The following EHHADH variants were observed in gnomAD, a reference collection of about 807,000 sequenced individuals.
EHHADH encodes the protein peroxisomal bifunctional enzyme.
A neutral mutation model predicts 64.4 loss-of-function variants in EHHADH; 48 were observed. The observed-to-expected ratio is 0.75, with a 90% CI of 0.59 to 0.95. The LOEUF (loss-of-function observed/expected upper bound fraction) is 0.95. Among genes scored for constraint, EHHADH ranks in the 40% least tolerant of loss-of-function variants. The probability of loss-of-function intolerance (pLI) is 0.00; values close to 1 mark genes in which losing one functional copy is unlikely to be tolerated. For synonymous variants in EHHADH, 308 were observed against 326.7 expected (o/e 0.94, Z 0.62); for missense variants, 854 against 876.6 (o/e 0.97, Z 0.33).
rs149584597 is a variant in EHHADH, at chr3:185,197,865, C to T, written c.911-4378G>A. Among the ~76,000 whole-genome samples, 389 of 152,140 alleles carry T rather than the reference C, an allele frequency of 2.6e-3. 2 individuals carry two copies. The highest frequency in any genetic ancestry group is 8.9e-3 in the African/African-American group (369 of 41,488). ...AGACTGGAGTGCAGTGGCGTGATCT[C>T]GGAACACTGCAACCTCTGCCTCCTG... On this transcript the variant is annotated intron_variant, in intron 6 of 6. Coordinates refer to ENST00000231887, the MANE Select transcript of EHHADH (RefSeq NM_001966.4).
At chr3:185,229,887 C>G (rs572113780) in intron 3 of EHHADH, among the ~76,000 whole-genome samples, 2 of 152,166 alleles carry the variant, frequency 1.3e-5, no homozygotes, top group Non-Finnish European at 2.9e-5. Context: ...AGACAACCCA[C>G]AGAATGGGAG....
intron 2 of EHHADH, among the ~76,000 whole-genome samples, chr3:185,243,656 G>C (rs564694575): frequency 6.6e-6 from 1 of 152,226 alleles, no homozygotes; most frequent in South Asian, 2.1e-4. Context: ...AGTTCCTCTT[G>C]CTACTGATTT....
chr3:185,246,630 G>T (rs1366569627), intron 2 of EHHADH, among the ~76,000 whole-genome samples: 1 of 152,152 alleles, frequency 6.6e-6, no homozygotes, highest in Non-Finnish European at 1.5e-5. Flanking sequence ...TTCTTTATAT[G>T]CATTGCTTGG....
chr3:185,218,820 C>T (rs1417254878), intron 4 of EHHADH, among the ~76,000 whole-genome samples: 1 of 151,582 alleles, frequency 6.6e-6, no homozygotes, highest in Admixed American at 6.6e-5. Context: ...GTCAGGAGTT[C>T]GAGACCAGCC....
intron 5 of EHHADH, among the ~76,000 whole-genome samples, chr3:185,207,377 A>G (rs183603970): frequency 5.9e-5 from 9 of 152,338 alleles, no homozygotes; most frequent in African/African-American, 1.9e-4. Context: ...CCTTAAAAGC[A>G]GAGAATCTTT....
chr3:185,253,749 G>A, intron 1 of EHHADH, 200 bp downstream of exon 1: 1 of 1,208,304 alleles, frequency 8.3e-7, no homozygotes, highest in South Asian at 2.0e-5. Flanking sequence ...GATTAACCAA[G>A]CTAATCTAGG....
Position 185,248,459 on chromosome 3 carries a change from T to C in EHHADH, c.133A>G (p.Ile45Val). 6.2e-7 allele frequency: 1 copy of C among 1,614,186 alleles called. No homozygotes were observed. Among genetic ancestry groups the C allele is most frequent in the Non-Finnish European group, 8.5e-7 (1 of 1,180,008 alleles). The change falls in exon 2 of 7, where the codon ATA becomes GTA. Residue 45 changes from isoleucine (I) to valine (V), a missense_variant. Physicochemically the swap from Ile to Val is conservative, Grantham distance 29. Transcript: ENST00000231887. Reference protein sequence around the residue: ...GLQKAVIDHTIKAIVICGAEG... With the variant: ...GLQKAVIDHTVKAIVICGAEG... The stretch of plus-strand genomic sequence containing the variant: ...GCTCCACAAATCACAATGGCTTTTA[T>C]TGTATGGTCTATTACAGCTTTCTGT...
intron 1 of EHHADH, among the ~76,000 whole-genome samples, chr3:185,251,916 G>A (rs1212039397): frequency 2.0e-5 from 3 of 152,036 alleles, no homozygotes; most frequent in African/African-American, 7.2e-5. Context: ...CCTGTTTTTG[G>A]GGCTTGAACA....
At chr3:185,242,640 G>T (rs1245726386) in intron 2 of EHHADH, among the ~76,000 whole-genome samples, 8 of 152,172 alleles carry the variant, frequency 5.3e-5, no homozygotes, top group African/African-American at 1.9e-4. Context: ...GAGTCATGCA[G>T]GTTGTAAGGA....
chr3:185,236,350 C>T (rs982583390), intron 2 of EHHADH, among the ~76,000 whole-genome samples: 1 of 141,130 alleles, frequency 7.1e-6, no homozygotes, highest in Non-Finnish European at 1.6e-5. Context: ...AGTTTCATCC[C>T]AAAACAATCC....
intron 2 of EHHADH, among the ~76,000 whole-genome samples, chr3:185,235,946 CAT>C (rs1433725237): frequency 1.3e-5 from 2 of 152,038 alleles, no homozygotes; most frequent in Non-Finnish European, 2.9e-5. Flanking sequence ...ATCAGGGTAA[CAT>C]GTATACATAT....
rs115527569 is a variant in EHHADH at position 185,212,656 on chromosome 3, A to G, written c.568+5480T>C. ...ATGGTTACAAATGGGAAAAGGGAAT[A>G]CAAAAATTCAACATGTATTTTTTTA... On this transcript the variant is annotated intron_variant, in intron 5 of 6. Transcript: ENST00000231887. Among the ~76,000 whole-genome samples the G allele has an allele frequency of 8.2e-3, 1,026 of 125,230 alleles. 6 individuals are homozygous for G. Among genetic ancestry groups the G allele is most frequent in the Admixed American group, 0.012 (146 of 11,796 alleles). 82.2% of individuals were successfully genotyped at this position (125,230 alleles called of 152,430 possible). A position where few individuals can be genotyped will look rare whatever the true frequency, so the allele number is the denominator to read the frequency against.
intron 2 of EHHADH, among the ~76,000 whole-genome samples, chr3:185,242,788 C>T (rs146975693): frequency 2.0e-5 from 3 of 152,304 alleles, no homozygotes; most frequent in African/African-American, 7.2e-5. Context: ...CCCCAGGCTA[C>T]CCACCTCCCA....
At chr3:185,240,525 A>AT (rs971892772) in intron 2 of EHHADH, among the ~76,000 whole-genome samples, 1,645 of 143,766 alleles carry the variant, frequency 0.011, 13 homozygotes, top group African/African-American at 0.017. Flanking sequence ...GAATTTATCC[A>AT]TTTTTTTTTT....
Position 185,192,039 on chromosome 3 carries a change from T to C in EHHADH, c.*187A>G, listed in dbSNP as rs1717883986. 4 of 656,628 alleles carry C rather than the reference T, an allele frequency of 6.1e-6. No individual in the cohort carries two copies. The highest frequency in any genetic ancestry group is 1.0e-5 in the Non-Finnish European group (4 of 391,674). 40.7% of individuals were successfully genotyped at this position (656,628 alleles called of 1,614,324 possible). A position where few individuals can be genotyped will look rare whatever the true frequency, so the allele number is the denominator to read the frequency against. On this transcript the variant is annotated 3_prime_UTR_variant, in exon 7 of 7. Transcript: ENST00000231887. The stretch of plus-strand genomic sequence containing the variant: ...ATTGAATTTATCTGATAAGGACAGA[T>C]TCAGAGGCATAGGAAGCACATTCCT...
chr3:185,197,838 C>T (rs1315470132), intron 6 of EHHADH, among the ~76,000 whole-genome samples: 1 of 152,142 alleles, frequency 6.6e-6, no homozygotes, highest in Non-Finnish European at 1.5e-5. Flanking sequence ...TCTCTGTCAC[C>T]CAGACTGGAG....
At chr3:185,227,430 G>A (rs545708252) in intron 4 of EHHADH, among the ~76,000 whole-genome samples, 1 of 152,192 alleles carries the variant, frequency 6.6e-6, no homozygotes, top group South Asian at 2.1e-4. Context: ...TACTTGGGAG[G>A]CTGAGGCAGG....
chr3:185,210,064 A>G (rs1718497869), intron 5 of EHHADH, among the ~76,000 whole-genome samples: 1 of 152,196 alleles, frequency 6.6e-6, no homozygotes. Context: ...GGGGAGAGGA[A>G]GGAGAGAACA....
rs895931858 is a variant in EHHADH, at chr3:185,245,966, T to C, written c.178+2448A>G. 9 of 1,495,186 alleles carry C rather than the reference T, an allele frequency of 6.0e-6. No homozygotes were observed. In the African/African-American group the frequency reaches 1.2e-4, roughly 21 times the overall value. The allele number at this position is 1,495,186 out of a possible 1,614,324, so 92.6% of individuals were successfully genotyped here. A position where few individuals can be genotyped will look rare whatever the true frequency, so the allele number is the denominator to read the frequency against. On this transcript the variant is annotated intron_variant, in intron 2 of 6. Coordinates refer to ENST00000231887, the MANE Select transcript of EHHADH (RefSeq NM_001966.4). ...GCCTGCCCAAGCAGGGCCTGTCTGA[T>C]TACTGAATGAGATACCATCATCTTT...
Sources: allele counts gnomAD v4.1 joint callset (sites outside exome capture counted in the v4.1 genomes callset), GRCh38; gene constraint gnomAD v4.1.1; transcripts MANE v1.5; gene names NCBI Gene and HGNC (gene_info 2026-07-23, HGNC 2026-07-21).